The following VWF variants were observed in gnomAD, a reference collection of about 807,000 sequenced individuals.
The protein encoded by VWF is von Willebrand factor.
VWF carries 176 observed loss-of-function variants against 308.6 expected under a neutral mutation model. That is an observed-to-expected ratio of 0.57 (90% confidence interval 0.50 to 0.65). VWF has a LOEUF of 0.65. Ranked by LOEUF, VWF falls within the 30% of genes least tolerant of loss-of-function variation. VWF has a pLI of 0.00. For missense variants in VWF, 3,146 were observed against 3,648.2 expected, an observed-to-expected ratio of 0.86 and a Z score of 3.55; for synonymous variants, 1,385 against 1,443.4, an observed-to-expected ratio of 0.96 and a Z score of 0.92.
intron 3 of VWF, among the ~76,000 whole-genome samples, chr12:6,113,297 C>CTTT (rs56714638): frequency 7.2e-6 from 1 of 138,826 alleles, no homozygotes; most frequent in African/African-American, 2.7e-5. Context: ...CGTAGAGAAA[C>CTTT]TTTTTTTTTT....
chr12:6,055,758 GTA>G (rs1491109396), intron 15 of VWF, among the ~76,000 whole-genome samples: 24 of 21,906 alleles, frequency 1.1e-3, no homozygotes, highest in South Asian at 4.9e-3. Flanking sequence ...ATATATATAT[GTA>G]TACACACACA....
intron 10 of VWF, among the ~76,000 whole-genome samples, chr12:6,067,664 C>T (rs1252384093): frequency 6.6e-6 from 1 of 152,152 alleles, no homozygotes; most frequent in Non-Finnish European, 1.5e-5. Context: ...GAACTATGGG[C>T]CATGCGAACA....
chr12:5,963,729 G>A (rs992106728), intron 47 of VWF, among the ~76,000 whole-genome samples: 1 of 152,190 alleles, frequency 6.6e-6, no homozygotes, highest in African/African-American at 2.4e-5. Context: ...AGGCTGGAGG[G>A]CAAGTGGTGC....
chr12:6,118,016 G>C lies in VWF; in HGVS notation c.220+3158C>G, dbSNP rs569372525. 2.3e-3 allele frequency among the ~76,000 whole-genome samples: 351 copies of C among 152,330 alleles called. 1 individual carries two copies. The highest frequency in any genetic ancestry group is 4.3e-3 in the Non-Finnish European group (291 of 68,030). ...CAGTGAGCACGAGTTGATGAGCCCA[G>C]TGCTGGACGGGTGGAATGGGCAAGA... On this transcript the variant is annotated intron_variant, in intron 3 of 51. Coordinates refer to ENST00000261405, the MANE Select transcript of VWF (RefSeq NM_000552.5).
intron 31 of VWF, among the ~76,000 whole-genome samples, chr12:6,015,366 C>T (rs914423733): frequency 1.3e-5 from 2 of 152,052 alleles, no homozygotes; most frequent in African/African-American, 4.8e-5. Flanking sequence ...CAAATAACTT[C>T]CTCAGGAAGA....
At chr12:5,966,577 C>T (rs1400484589) in intron 47 of VWF, among the ~76,000 whole-genome samples, 1 of 152,108 alleles carries the variant, frequency 6.6e-6, no homozygotes. Context: ...CGCACCTGCA[C>T]GACCTCTTGG....
chr12:6,000,565 T>C (rs1418098696), intron 34 of VWF, among the ~76,000 whole-genome samples: 1 of 151,728 alleles, frequency 6.6e-6, no homozygotes, highest in East Asian at 1.9e-4. Flanking sequence ...CCCAGAACTT[T>C]GGGAGGCCGA....
At chr12:6,082,419 G>C (rs1210274360) in intron 6 of VWF, among the ~76,000 whole-genome samples, 1 of 152,114 alleles carries the variant, frequency 6.6e-6, no homozygotes, top group East Asian at 1.9e-4. Context: ...TATTTTTTAA[G>C]AGTATACAGG....
intron 10 of VWF, among the ~76,000 whole-genome samples, chr12:6,068,832 T>TGTGTG (rs1565851315): frequency 0.014 from 1,392 of 100,628 alleles, 27 homozygotes; most frequent in African/African-American, 0.074. Context: ...TTTTTTTTTT[T>TGTGTG]TGCGTGTGTG....
intron 43 of VWF, among the ~76,000 whole-genome samples, chr12:5,973,660 T>C (rs1303615139): frequency 6.6e-6 from 1 of 152,200 alleles, no homozygotes; most frequent in African/African-American, 2.4e-5. Context: ...GCCAACCCCA[T>C]TCCCTGGGGT....
chr12:5,978,367 A>G (rs1943555235), intron 42 of VWF, among the ~76,000 whole-genome samples: 1 of 152,124 alleles, frequency 6.6e-6, no homozygotes, highest in African/African-American at 2.4e-5. Context: ...GATTCAAGTG[A>G]TTCTCCTGCT....
intron 38 of VWF, among the ~76,000 whole-genome samples, 186 bp from the exon 39 acceptor site, chr12:5,985,851 G>A (rs1217386919): frequency 6.6e-6 from 1 of 152,228 alleles, no homozygotes; most frequent in Non-Finnish European, 1.5e-5. Flanking sequence ...TTTCAGAAAG[G>A]TGGTTGCCAC....
chr12:5,955,079 A>C (rs945154002), intron 47 of VWF, among the ~76,000 whole-genome samples: 5 of 152,212 alleles, frequency 3.3e-5, no homozygotes, highest in Admixed American at 3.3e-4. Flanking sequence ...TCTCTTCAAC[A>C]TATCTTCCAC....
In VWF at chr12:6,052,659, G is replaced by C. The variant is rs761476221; in HGVS notation, c.2070C>G (p.Pro690=). The C allele has an allele frequency of 6.2e-7, 1 of 1,614,230 alleles. No individual in the cohort carries two copies. Among genetic ancestry groups the C allele is most frequent in the Non-Finnish European group, 8.5e-7 (1 of 1,180,044 alleles). The change falls in exon 16 of 52, where the codon CCC becomes CCG. Residue 690 remains proline (P), a synonymous_variant. Coordinates refer to ENST00000261405, the MANE Select transcript of VWF (RefSeq NM_000552.5). The part of the protein sequence containing the change: ...NEACLEGCFC[P]PGLYMDERGD... ...CCCTCTCATCCATGTAGAGCCCTGG[G>C]GGGCAGAAGCAGCCCTCCAGGCAGG...
chr12:5,986,207 C>A (rs564463361), intron 38 of VWF, among the ~76,000 whole-genome samples: 2 of 152,258 alleles, frequency 1.3e-5, no homozygotes, highest in East Asian at 1.9e-4. Flanking sequence ...ACACACAGCC[C>A]CACAGCACAA....
At chr12:6,069,501 T>G (rs1332011160) in intron 10 of VWF, among the ~76,000 whole-genome samples, 2 of 152,130 alleles carry the variant, frequency 1.3e-5, no homozygotes, top group Non-Finnish European at 2.9e-5. Context: ...ATACCGCCTA[T>G]TCTTCCCATC....
At chr12:6,095,729 T>A in intron 5 of VWF, 145 bp from the exon 6 acceptor site, 1 of 1,162,554 alleles carries the variant, frequency 8.6e-7, no homozygotes, top group Non-Finnish European at 1.2e-6. Flanking sequence ...TTTCCCAGGC[T>A]GGAGTGCAGC....
intron 34 of VWF, among the ~76,000 whole-genome samples, chr12:6,000,663 T>A (rs1565825186): frequency 6.6e-6 from 1 of 150,704 alleles, no homozygotes; most frequent in Non-Finnish European, 1.5e-5. Flanking sequence ...ATACGAAAAA[T>A]TAGCCAGGCG....
At chr12:6,108,352 C>CACACACACACAT (rs1945267681) in intron 5 of VWF, among the ~76,000 whole-genome samples, 1 of 148,988 alleles carries the variant, frequency 6.7e-6, no homozygotes, top group African/African-American at 2.5e-5. Flanking sequence ...CACACACACA[C>CACACACACACAT]ACACACACAC....
Sources: gnomAD v4.1 joint callset for allele counts (sites outside exome capture counted in the v4.1 genomes callset) on GRCh38, gnomAD v4.1.1 for gene constraint, MANE v1.5 for transcripts, NCBI Gene and HGNC (gene_info 2026-07-23, HGNC 2026-07-21) for gene names.